The following COMMD10 variants were observed in gnomAD, a reference collection of about 807,000 sequenced individuals.
COMMD10 encodes the protein COMM domain-containing protein 10.
In COMMD10, 33 loss-of-function variants were observed where a neutral mutation model predicts 28.9. The observed-to-expected ratio is 1.14, with a 90% CI of 0.87 to 1.53. The LOEUF is 1.53. Among genes scored for constraint, COMMD10 ranks in the 40% most tolerant of loss-of-function variants. The pLI, the probability that COMMD10 is intolerant of heterozygous loss-of-function variation, is 0.00. For synonymous variants in COMMD10, 110 were observed against 81.7 expected, an observed-to-expected ratio of 1.35 and a Z score of -1.87; for missense variants, 310 against 233.4, an observed-to-expected ratio of 1.33 and a Z score of -2.14.
At chr5:116,107,249 C>G (rs944776828) in intron 4 of COMMD10, among the ~76,000 whole-genome samples, 4 of 152,128 alleles carry the variant, frequency 2.6e-5, no homozygotes, top group Non-Finnish European at 4.4e-5. Context: ...GGAAGTTCTC[C>G]TGGATAATAC....
At chr5:116,158,722 T>G (rs956314912) in intron 5 of COMMD10, among the ~76,000 whole-genome samples, 4 of 152,094 alleles carry the variant, frequency 2.6e-5, no homozygotes, top group Non-Finnish European at 5.9e-5. Context: ...AGTCTCCTAT[T>G]ACTGAAAGAC....
chr5:116,170,187 A>G lies in COMMD10; in HGVS notation c.510+36009A>G, dbSNP rs1486430870. ...GCACAAATCACAAGCATTCCTATAC[A>G]CCAATAATAGACAAACTGAGAGCCA... On this transcript the variant is annotated intron_variant, in intron 5 of 6. Transcript: ENST00000274458. 2.6e-5 allele frequency among the ~76,000 whole-genome samples: 4 copies of G among 152,262 alleles called. No individual in the cohort carries two copies. The South Asian group carries it at 6.2e-4, about 24-fold the overall frequency.
intron 5 of COMMD10, among the ~76,000 whole-genome samples, chr5:116,285,076 C>G (rs1315350898): frequency 6.6e-6 from 1 of 151,800 alleles, no homozygotes; most frequent in Non-Finnish European, 1.5e-5. Flanking sequence ...AGTTATAGTC[C>G]TAAGGAAAGC....
chr5:116,254,986 A>G (rs1365974642), intron 5 of COMMD10, among the ~76,000 whole-genome samples: 1 of 151,504 alleles, frequency 6.6e-6, no homozygotes, highest in African/African-American at 2.4e-5. Flanking sequence ...GTGCTCCTGT[A>G]TTGGGTGCAT....
At position 116,106,097 on chromosome 5, in the gene COMMD10, TA is replaced by T. The variant is rs1267190330; in HGVS notation, c.399+13398del. ...TTCCTGTTTTTGTTGAGTTTTGTTT[TA>T]TTTTTTTTTTTGTGTGGGCATTTAG... On this transcript the variant is annotated intron_variant, in intron 4 of 6. Coordinates refer to ENST00000274458, the MANE Select transcript of COMMD10 (RefSeq NM_016144.4). Among the ~76,000 whole-genome samples the T allele has an allele frequency of 2.2e-3, 325 of 147,612 alleles. 1 individual carries two copies. The highest frequency in any genetic ancestry group is 7.9e-3 in the African/African-American group (303 of 38,444).
At chr5:116,086,931 C>T (rs984175138) in intron 1 of COMMD10, among the ~76,000 whole-genome samples, 1 of 152,154 alleles carries the variant, frequency 6.6e-6, no homozygotes. Flanking sequence ...GAGCTGAGAT[C>T]GTGCCACTGC....
At chr5:116,140,231 A>ATGTG (rs3072964) in intron 5 of COMMD10, among the ~76,000 whole-genome samples, 1,937 of 147,064 alleles carry the variant, frequency 0.013, 46 homozygotes, top group African/African-American at 0.045. Context: ...TCATACTACT[A>ATGTG]TGTGTGTGTG....
intron 5 of COMMD10, among the ~76,000 whole-genome samples, chr5:116,230,939 C>T (rs6594958): frequency 0.85 from 128,879 of 152,060 alleles, 55,202 homozygotes; most frequent in Admixed American, 0.92. Context: ...CATTGACTTA[C>T]TGATTTCAGA....
At chr5:116,107,658 C>T (rs1478493831) in intron 4 of COMMD10, among the ~76,000 whole-genome samples, 1 of 151,996 alleles carries the variant, frequency 6.6e-6, no homozygotes, top group African/African-American at 2.4e-5. Flanking sequence ...TTGTTATTAC[C>T]CAGCTTCTGA....
chr5:116,117,932 A>T (rs1037306277), intron 4 of COMMD10, among the ~76,000 whole-genome samples: 7 of 152,192 alleles, frequency 4.6e-5, no homozygotes, highest in Non-Finnish European at 8.8e-5. Flanking sequence ...GTCTTATTTT[A>T]TCCACCCCAC....
At chr5:116,169,507 G>C (rs1580514429) in intron 5 of COMMD10, among the ~76,000 whole-genome samples, 1 of 152,120 alleles carries the variant, frequency 6.6e-6, no homozygotes, top group African/African-American at 2.4e-5. Flanking sequence ...GCATTATCCT[G>C]ATACCAAAAC....
At chr5:116,187,570 T>A (rs555356336) in intron 5 of COMMD10, among the ~76,000 whole-genome samples, 1 of 152,068 alleles carries the variant, frequency 6.6e-6, no homozygotes, top group Non-Finnish European at 1.5e-5. Flanking sequence ...ACAAAGTAGG[T>A]TAAATGATCT....
intron 5 of COMMD10, among the ~76,000 whole-genome samples, chr5:116,242,537 G>T (rs1480741803): frequency 6.6e-6 from 1 of 152,126 alleles, no homozygotes; most frequent in Non-Finnish European, 1.5e-5. Flanking sequence ...TTTTCTCAAG[G>T]TTCAGTAGCT....
intron 5 of COMMD10, among the ~76,000 whole-genome samples, chr5:116,189,755 A>G (rs927424957): frequency 2.0e-5 from 3 of 152,234 alleles, no homozygotes; most frequent in Admixed American, 1.3e-4. Flanking sequence ...TCATGACATC[A>G]GAAGAAAACA....
rs142119662 is a variant in COMMD10 at position 116,191,419 on chromosome 5, C to T, written c.510+57241C>T. Among the ~76,000 whole-genome samples, 782 of 151,732 alleles carry T rather than the reference C, an allele frequency of 5.2e-3. 7 individuals are homozygous for T. The highest frequency in any genetic ancestry group is 8.2e-3 in the Non-Finnish European group (554 of 67,906). ...GGCAAGTTTTCAAGCCTGTGTCACC[C>T]ACCACCTGGAAACAGACTTGGGGCT... On this transcript the variant is annotated intron_variant, in intron 5 of 6. Transcript: ENST00000274458.
At chr5:116,127,430 A>C (rs945792339) in intron 4 of COMMD10, among the ~76,000 whole-genome samples, 1 of 152,218 alleles carries the variant, frequency 6.6e-6, no homozygotes, top group Non-Finnish European at 1.5e-5. Flanking sequence ...TACTAGGTAT[A>C]TACCCAAAGG....
In COMMD10 at chr5:116,127,986, A is replaced by G. The variant is rs560869808; in HGVS notation, c.400-6082A>G. ...ATTATCAGAGAAGACTGCTCTGGAT[A>G]AAAATTGTTTTGTGAAACCTTTGTG... On this transcript the variant is annotated intron_variant, in intron 4 of 6. Transcript: ENST00000274458. 5.8e-4 allele frequency among the ~76,000 whole-genome samples: 89 copies of G among 152,270 alleles called. 3 individuals carry two copies. The South Asian group carries it at 0.017, about 30-fold the overall frequency.
At chr5:116,221,101 C>G (rs1386592381) in intron 5 of COMMD10, among the ~76,000 whole-genome samples, 2 of 130,124 alleles carry the variant, frequency 1.5e-5, no homozygotes, top group African/African-American at 5.9e-5. Flanking sequence ...TTTTTTTTAA[C>G]TGTTCCAAAG....
rs1391329337 is a variant in COMMD10 at position 116,181,505 on chromosome 5, T to C, written c.510+47327T>C. Among the ~76,000 whole-genome samples, 14 of 151,202 alleles carry C rather than the reference T, an allele frequency of 9.3e-5. No homozygotes were observed. The Admixed American group carries it at 9.3e-4, about 10-fold the overall frequency. The stretch of plus-strand genomic sequence containing the variant: ...CTATCTACATTATTGCTACTGAGTT[T>C]TGAGTCATAGATTTTTTTAAAAAGT... On this transcript the variant is annotated intron_variant, in intron 5 of 6. Coordinates refer to ENST00000274458, the MANE Select transcript of COMMD10 (RefSeq NM_016144.4).
Sources: allele counts gnomAD v4.1 joint callset (sites outside exome capture counted in the v4.1 genomes callset), GRCh38; gene constraint gnomAD v4.1.1; transcripts MANE v1.5; gene names NCBI Gene and HGNC (gene_info 2026-07-23, HGNC 2026-07-21).